CHSY3: variants seen among roughly 807,000 people sequenced by gnomAD.
CHSY3 encodes N-acetylgalactosaminyl-proteoglycan 3-beta-glucuronosyltransferase 3.
In CHSY3, 35 loss-of-function variants were observed where a neutral mutation model predicts 67.2. The ratio of observed to expected loss-of-function variants is 0.52; its 90% confidence interval spans 0.40 to 0.69. The LOEUF (loss-of-function observed/expected upper bound fraction) is 0.69, where lower values mean the gene tolerates loss of function less well. Ranked by LOEUF, CHSY3 falls within the 30% of genes least tolerant of loss-of-function variation. The pLI is 0.00. For synonymous variants in CHSY3, 474 were observed against 434.7 expected, an observed-to-expected ratio of 1.09 and a Z score of -1.12; for missense variants, 1,069 against 1,138.5, an observed-to-expected ratio of 0.94 and a Z score of 0.88.
chr5:130,015,589 G>A (rs1249281132), intron 2 of CHSY3, among the ~76,000 whole-genome samples: 1 of 152,116 alleles, frequency 6.6e-6, no homozygotes, highest in Non-Finnish European at 1.5e-5. Flanking sequence ...AAAAATTAAG[G>A]GATGCTGGTG....
chr5:129,916,516 G>GA (rs757571628), intron 2 of CHSY3, among the ~76,000 whole-genome samples: 1 of 151,872 alleles, frequency 6.6e-6, no homozygotes, highest in Non-Finnish European at 1.5e-5. Flanking sequence ...TTAAAAAATG[G>GA]AAAAATCGGC....
chr5:130,135,249 G>A (rs1305082369), intron 2 of CHSY3, among the ~76,000 whole-genome samples: 2 of 151,218 alleles, frequency 1.3e-5, no homozygotes, highest in South Asian at 4.2e-4. Flanking sequence ...TATATAATAT[G>A]TATAAGTTTA....
chr5:130,063,814 G>A (rs764498595), intron 2 of CHSY3, among the ~76,000 whole-genome samples: 1 of 152,108 alleles, frequency 6.6e-6, no homozygotes, highest in Non-Finnish European at 1.5e-5. Context: ...GCCCAATGCT[G>A]TGTGGAGCCT....
chr5:129,948,622 T>C (rs1336038767), intron 2 of CHSY3, among the ~76,000 whole-genome samples: 4 of 152,232 alleles, frequency 2.6e-5, no homozygotes, highest in South Asian at 2.1e-4. Context: ...ATATTTTTAA[T>C]TGCGAATTGT....
At chr5:130,050,162 A>G (rs1765290401) in intron 2 of CHSY3, among the ~76,000 whole-genome samples, 1 of 152,118 alleles carries the variant, frequency 6.6e-6, no homozygotes, top group African/African-American at 2.4e-5. Flanking sequence ...AACTACAACA[A>G]TGTATTTAAG....
At chr5:130,158,105 C>T (rs1447534401) in intron 2 of CHSY3, among the ~76,000 whole-genome samples, 1 of 152,190 alleles carries the variant, frequency 6.6e-6, no homozygotes, top group African/African-American at 2.4e-5. Context: ...CTACTGCAAC[C>T]TGTTTTATCA....
At chr5:130,178,477 C>T (rs959024152) in intron 2 of CHSY3, among the ~76,000 whole-genome samples, 7 of 151,690 alleles carry the variant, frequency 4.6e-5, no homozygotes, top group Non-Finnish European at 7.4e-5. Flanking sequence ...TGGTCTCCAT[C>T]TCCTGACCTC....
chr5:129,939,855 A>G (rs1351298780), intron 2 of CHSY3, among the ~76,000 whole-genome samples: 2 of 152,212 alleles, frequency 1.3e-5, no homozygotes, highest in African/African-American at 4.8e-5. Context: ...GGATATAAAG[A>G]CATAATGATC....
chr5:129,916,789 G>A (rs1179513534), intron 2 of CHSY3, among the ~76,000 whole-genome samples: 1 of 152,112 alleles, frequency 6.6e-6, no homozygotes, highest in Non-Finnish European at 1.5e-5. Context: ...TTCATGGAGT[G>A]CATAAGAAGG....
intron 2 of CHSY3, among the ~76,000 whole-genome samples, chr5:130,158,236 C>G (rs192338175): frequency 6.6e-6 from 1 of 152,288 alleles, no homozygotes; most frequent in East Asian, 1.9e-4. Context: ...AGCCCCTATT[C>G]AAGATGGAGT....
chr5:130,023,922 C>G (rs1172049398), intron 2 of CHSY3, among the ~76,000 whole-genome samples: 2 of 151,714 alleles, frequency 1.3e-5, no homozygotes, highest in Non-Finnish European at 2.9e-5. Context: ...CATTCCCCGC[C>G]CCCCCAATAG....
chr5:130,135,626 A>G (rs1046841004), intron 2 of CHSY3, among the ~76,000 whole-genome samples: 1 of 152,064 alleles, frequency 6.6e-6, no homozygotes, highest in Non-Finnish European at 1.5e-5. Flanking sequence ...GCCTCTCCAT[A>G]TCACAATGAA....
chr5:129,920,134 C>T (rs564709568), intron 2 of CHSY3, among the ~76,000 whole-genome samples: 1 of 152,308 alleles, frequency 6.6e-6, no homozygotes, highest in East Asian at 1.9e-4. Flanking sequence ...TGGTAACCAC[C>T]ATTCTACTCT....
At chr5:130,004,174 G>T (rs1002500594) in intron 2 of CHSY3, among the ~76,000 whole-genome samples, 33 of 152,078 alleles carry the variant, frequency 2.2e-4, no homozygotes, top group African/African-American at 8.0e-4. Context: ...AAGCTAAAAT[G>T]CAGAAAGGAA....
intron 2 of CHSY3, among the ~76,000 whole-genome samples, chr5:130,070,550 T>A (rs1198446550): frequency 1.3e-5 from 2 of 152,084 alleles, no homozygotes; most frequent in Non-Finnish European, 1.5e-5. Context: ...AAATGTTCAA[T>A]TAACTATAGA....
rs561172089 is a variant in CHSY3, at chr5:129,987,023, C to A, written c.1086+78663C>A. On this transcript the variant is annotated intron_variant, in intron 2 of 2. Transcript: ENST00000305031. The stretch of plus-strand genomic sequence containing the variant: ...AAAAAGAGATATCAAAAAATTATAG[C>A]AATATTTTTGTTAATTTTATAATTT... Among the ~76,000 whole-genome samples, 30 of 152,208 alleles carry A rather than the reference C, an allele frequency of 2.0e-4. No homozygotes were observed. In the East Asian group the frequency reaches 2.5e-3, roughly 13 times the overall value.
intron 2 of CHSY3, among the ~76,000 whole-genome samples, chr5:129,984,280 A>G (rs1341356198): frequency 6.6e-6 from 1 of 152,096 alleles, no homozygotes; most frequent in Non-Finnish European, 1.5e-5. Context: ...AACATGTGGT[A>G]CTTGGTTTTC....
intron 1 of CHSY3, among the ~76,000 whole-genome samples, chr5:129,906,189 G>A (rs1760288533): frequency 6.6e-6 from 1 of 152,078 alleles, no homozygotes. Context: ...TTTCCTATGT[G>A]TTCCCTTCCC....
chr5:129,911,771 T>A (rs982189659), intron 2 of CHSY3, among the ~76,000 whole-genome samples: 2 of 152,154 alleles, frequency 1.3e-5, no homozygotes, highest in Non-Finnish European at 2.9e-5. Flanking sequence ...TAAAACTTAC[T>A]ATGGGCTGGG....
Sources: gnomAD v4.1 joint callset for allele counts (sites outside exome capture counted in the v4.1 genomes callset) on GRCh38, gnomAD v4.1.1 for gene constraint, MANE v1.5 for transcripts, NCBI Gene and HGNC (gene_info 2026-07-23, HGNC 2026-07-21) for gene names.